Variants in ZC3H12A observed in about 807,000 individuals in gnomAD.
ZC3H12A encodes endoribonuclease ZC3H12A.
In ZC3H12A, 9 loss-of-function variants were observed where a neutral mutation model predicts 29.9. The ratio of observed to expected loss-of-function variants is 0.30; its 90% CI spans 0.18 to 0.53. The LOEUF is 0.53. Ranked by LOEUF, ZC3H12A falls within the 20% of genes least tolerant of loss-of-function variation. The probability of loss-of-function intolerance (pLI) is 0.96; values close to 1 mark genes in which losing one functional copy is unlikely to be tolerated. For synonymous variants in ZC3H12A, 323 were observed against 338.1 expected (o/e 0.96, Z 0.49); for missense variants, 617 against 799.0 (o/e 0.77, Z 2.75).
chr1:37,478,687 C>A lies in ZC3H12A; in HGVS notation c.444-1603C>A. ...TCTTCCACCGTTAACTGCTGTGTGA[C>A]CCTGGTGACTAAGCTGCCTTCTCTG... On this transcript the variant is annotated intron_variant, in intron 2 of 5. Transcript: ENST00000373087. The surrounding 1 kb of genome is among the most constrained non-coding windows in gnomAD (Gnocchi z 5.2). 4.3e-6 allele frequency: 1 copy of A among 234,406 alleles called. No homozygotes were observed. Among genetic ancestry groups the A allele is most frequent in the Non-Finnish European group, 7.0e-6 (1 of 143,222 alleles). 14.5% of individuals were successfully genotyped at this position (234,406 alleles called of 1,614,324 possible). A position where few individuals can be genotyped will look rare whatever the true frequency, so the allele number is the denominator to read the frequency against.
rs1569917243 is a variant in ZC3H12A at position 37,476,048 on chromosome 1, C to T, written c.443+109C>T. The T allele has an allele frequency of 8.3e-7, 1 of 1,208,236 alleles. No individual in the cohort carries two copies. Among genetic ancestry groups the T allele is most frequent in the East Asian group, 2.6e-5 (1 of 38,460 alleles). 74.8% of individuals were successfully genotyped at this position (1,208,236 alleles called of 1,614,324 possible). ...AGCTCTGGTGGGCTGGAAGAAGTGA[C>T]TTCCTTCTTAGGGACTGGTCTAGAG... On this transcript the variant is annotated intron_variant, in intron 2 of 5. Coordinates refer to ENST00000373087, the MANE Select transcript of ZC3H12A (RefSeq NM_025079.3). The surrounding 1 kb of genome is among the most constrained non-coding windows in gnomAD (Gnocchi z 6.0).
chr1:37,482,355 C>G (rs758282408), intron 4 of ZC3H12A, 79 bp from the exon 5 acceptor site: 1 of 1,263,470 alleles, frequency 7.9e-7, no homozygotes, highest in Non-Finnish European at 1.1e-6. Flanking sequence ...CCCAGCAAGG[C>G]TTGCCATCGG....
At chr1:37,482,332 C>A in intron 4 of ZC3H12A, 102 bp from the exon 5 acceptor site, 1 of 1,023,630 alleles carries the variant, frequency 9.8e-7, no homozygotes, top group Non-Finnish European at 1.5e-6. Context: ...TTAGGTGTCA[C>A]TCTCCTATTC....
chr1:37,478,886 A>T lies in ZC3H12A; in HGVS notation c.444-1404A>T. ...TGGCAGATGTGGCAGAGGGACCGGGAAGGATGAGTGCTGCCCTGGGCTGGA... is the reference window on the plus strand; with the variant it reads ...TGGCAGATGTGGCAGAGGGACCGGGTAGGATGAGTGCTGCCCTGGGCTGGA... On this transcript the variant is annotated intron_variant, in intron 2 of 5. Transcript: ENST00000373087. This position sits in a 1 kb window ranked among gnomAD's most constrained non-coding sequence, Gnocchi z 5.2. The T allele has an allele frequency of 1.0e-6, 1 of 985,334 alleles. No individual in the cohort carries two copies. Among genetic ancestry groups the T allele is most frequent in the South Asian group, 4.7e-5 (1 of 21,282 alleles). 61.0% of individuals were successfully genotyped at this position (985,334 alleles called of 1,614,324 possible).
In ZC3H12A at chr1:37,483,223, A is replaced by G; in HGVS notation, c.1412A>G (p.Tyr471Cys). The part of the protein sequence containing the change: ...PGPPRAPYTG[Y>C]SPYGSELPAT... ...CCACCCCGAGCCCCTTACACGGGCTACAGTCCCTATGGATCTGAGCTCCCA... is the reference window on the plus strand; with the variant it reads ...CCACCCCGAGCCCCTTACACGGGCTGCAGTCCCTATGGATCTGAGCTCCCA... Residue 471 changes from tyrosine (Y) to cysteine (C), a missense_variant, in exon 6 of 6, where the codon TAC becomes TGC. Around this residue, in one of 5 missense-constraint regions of ZC3H12A, gnomAD observed 172 missense variants for 203.1 expected, o/e 0.85. Coordinates refer to ENST00000373087, the MANE Select transcript of ZC3H12A (RefSeq NM_025079.3). The G allele has an allele frequency of 6.2e-7, 1 of 1,613,700 alleles. No homozygotes were observed. Among genetic ancestry groups the G allele is most frequent in the African/African-American group, 1.3e-5 (1 of 75,020 alleles).
At position 37,478,411 on chromosome 1, in the gene ZC3H12A, C is replaced by T. The variant is rs1156990768; in HGVS notation, c.444-1879C>T. ...TAAATTCTGGATCTTCTGTTAGAGA[C>T]AGGAAGGCAACCGAGTGGCCCAGAC... On this transcript the variant is annotated intron_variant, in intron 2 of 5. Transcript: ENST00000373087. The surrounding 1 kb of genome is among the most constrained non-coding windows in gnomAD (Gnocchi z 5.2). 6.6e-6 allele frequency among the ~76,000 whole-genome samples: 1 copy of T among 152,200 alleles called. No individual in the cohort carries two copies. The highest frequency in any genetic ancestry group is 2.4e-5 in the African/African-American group (1 of 41,432).
At position 37,483,552 on chromosome 1, in the gene ZC3H12A, G is replaced by T. The variant is rs746387660; in HGVS notation, c.1741G>T (p.Asp581Tyr). The T allele has an allele frequency of 6.2e-7, 1 of 1,613,354 alleles. No individual in the cohort carries two copies. The highest frequency in any genetic ancestry group is 1.7e-5 in the Admixed American group (1 of 60,004). ...AVMGRFPQLL[D>Y]PQQLAAEILS... Reference sequence around the variant, plus strand: ...GATGGGGCGCTTCCCACAGCTCCTGGACCCCCAGCAGCTGGCTGCCGAGAT... The same window carrying T: ...GATGGGGCGCTTCCCACAGCTCCTGTACCCCCAGCAGCTGGCTGCCGAGAT... Residue 581 changes from aspartate (D) to tyrosine (Y), a missense_variant, in exon 6 of 6, where the codon GAC (aspartate) becomes TAC (tyrosine). Physicochemically the swap from Asp to Tyr is radical, Grantham distance 160. Around this residue, in one of 5 missense-constraint regions of ZC3H12A, gnomAD observed 172 missense variants for 203.1 expected, o/e 0.85. Coordinates refer to ENST00000373087, the MANE Select transcript of ZC3H12A (RefSeq NM_025079.3).
chr1:37,483,072 C>G lies in ZC3H12A; in HGVS notation c.1261C>G (p.Leu421Val). 6.2e-7 allele frequency: 1 copy of G among 1,609,844 alleles called. No homozygotes were observed. Among genetic ancestry groups the G allele is most frequent in the Non-Finnish European group, 8.5e-7 (1 of 1,178,490 alleles). ...SGSSFGPTDW[L>V]PQTLDSLPYV... is the part of the protein sequence containing the mutation. ...CAGCAGCTTTGGGCCCACAGACTGG[C>G]TCCCACAGACGCTGGACTCACTCCC... The change falls in exon 6 of 6, where the codon CTC (leucine) becomes GTC (valine). Residue 421 changes from leucine (L) to valine (V), a missense_variant. Leu to Val is a conservative substitution (Grantham distance 32, BLOSUM62 1). Transcript: ENST00000373087.
intron 3 of ZC3H12A, among the ~76,000 whole-genome samples, chr1:37,481,045 G>A (rs2148045559): frequency 6.6e-6 from 1 of 152,292 alleles, no homozygotes; most frequent in East Asian, 1.9e-4. Flanking sequence ...GAGATCTGGG[G>A]GCAGCCTGTC....
intron 3 of ZC3H12A, 58 bp from the exon 4 acceptor site, chr1:37,481,543 G>C (rs1004746985): frequency 5.8e-5 from 92 of 1,577,640 alleles, no homozygotes; most frequent in Non-Finnish European, 7.8e-5. Flanking sequence ...AGGGAGCCCT[G>C]TAGGCCTGGC....
chr1:37,479,516 C>A lies in ZC3H12A; in HGVS notation c.444-774C>A, dbSNP rs368988712. On this transcript the variant is annotated intron_variant, in intron 2 of 5. Transcript: ENST00000373087. The surrounding 1 kb of genome is among the most constrained non-coding windows in gnomAD (Gnocchi z 4.5). ...GCTGTCCTTGCTAAGAGTCCCCTAG[C>A]ATCTTCCTGATGGTCTTTCTGCCTT... 1.3e-5 allele frequency: 13 copies of A among 985,338 alleles called. No homozygotes were observed. The African/African-American group carries it at 2.3e-4, about 17-fold the overall frequency. The allele number at this position is 985,338 out of a possible 1,614,324, so 61.0% of individuals were successfully genotyped here. A position where few individuals can be genotyped will look rare whatever the true frequency, so the allele number is the denominator to read the frequency against.
chr1:37,482,354 G>A (rs970836609), intron 4 of ZC3H12A, 80 bp from the exon 5 acceptor site: 1 of 1,252,860 alleles, frequency 8.0e-7, no homozygotes, highest in Non-Finnish European at 1.1e-6. Context: ...TCCCAGCAAG[G>A]CTTGCCATCG....
Position 37,483,220 on chromosome 1 carries a change from G to A in ZC3H12A, c.1409G>A (p.Gly470Asp). 6.2e-7 allele frequency: 1 copy of A among 1,613,732 alleles called. No homozygotes were observed. Among genetic ancestry groups the A allele is most frequent in the Non-Finnish European group, 8.5e-7 (1 of 1,179,928 alleles). ...GGCCCACCCCGAGCCCCTTACACGGGCTACAGTCCCTATGGATCTGAGCTC... is the reference window on the plus strand; with the variant it reads ...GGCCCACCCCGAGCCCCTTACACGGACTACAGTCCCTATGGATCTGAGCTC... ...EPGPPRAPYTGYSPYGSELPA... is the reference protein window; with the variant it reads ...EPGPPRAPYTDYSPYGSELPA... The change falls in exon 6 of 6, where the codon GGC becomes GAC. Residue 470 changes from glycine (G) to aspartate (D), a missense_variant. Gly to Asp is a moderately conservative substitution (Grantham distance 94, BLOSUM62 -1). This residue lies in a region of ZC3H12A where 172 missense variants were observed against 203.1 expected (regional missense o/e 0.85). Transcript: ENST00000373087.
chr1:37,475,524 G>C lies in ZC3H12A; in HGVS notation c.28G>C (p.Val10Leu), dbSNP rs1356554362. 4.3e-6 allele frequency: 7 copies of C among 1,611,750 alleles called. No individual in the cohort carries two copies. The highest frequency in any genetic ancestry group is 1.3e-5 in the African/African-American group (1 of 74,862). The change falls in exon 2 of 6, where the codon GTC becomes CTC. Residue 10 changes from valine (V) to leucine (L), a missense_variant. By Grantham distance (32) the Val-to-Leu change is conservative. Transcript: ENST00000373087. The surrounding 1 kb of genome is among the most constrained non-coding windows in gnomAD (Gnocchi z 5.2). MSGPCGEKP[V>L]LEASPTMSLW... ...GAGTGGCCCCTGTGGAGAGAAGCCT[G>C]TCCTGGAAGCCAGCCCCACCATGAG...
intron 3 of ZC3H12A, 89 bp from the exon 4 acceptor site, chr1:37,481,512 G>C (rs1444619343): frequency 1.2e-5 from 16 of 1,311,296 alleles, no homozygotes; most frequent in African/African-American, 5.9e-5. Flanking sequence ...AACCACTCCT[G>C]TGTGTGGCCA....
rs1186886187 is a variant in ZC3H12A, at chr1:37,475,871, C to T, written c.375C>T (p.Leu125=). The T allele has an allele frequency of 6.4e-6, 10 of 1,558,938 alleles. No homozygotes were observed. Among genetic ancestry groups the T allele is most frequent in the African/African-American group, 1.4e-5 (1 of 73,046 alleles). The change falls in exon 2 of 6, where the codon CTC becomes CTT. Residue 125 remains leucine, a synonymous_variant. Coordinates refer to ENST00000373087, the MANE Select transcript of ZC3H12A (RefSeq NM_025079.3). This position sits in a 1 kb window ranked among gnomAD's most constrained non-coding sequence, Gnocchi z 5.2. ...AGGCTCCCAACCTGGAGCCTCCACTCCCAGAAGAGGAAAAGGAGGGCAGCG... is the reference window on the plus strand; with the variant it reads ...AGGCTCCCAACCTGGAGCCTCCACTTCCAGAAGAGGAAAAGGAGGGCAGCG... ...TPKAPNLEPP[L]PEEEKEGSDL...
chr1:37,476,067 T>A lies in ZC3H12A; in HGVS notation c.443+128T>A, dbSNP rs1641583517. The stretch of plus-strand genomic sequence containing the variant: ...AAGTGACTTCCTTCTTAGGGACTGG[T>A]CTAGAGGGAGGGAAAGCCTTTTATG... On this transcript the variant is annotated intron_variant, in intron 2 of 5. Transcript: ENST00000373087. The surrounding 1 kb of genome is among the most constrained non-coding windows in gnomAD (Gnocchi z 6.0). The A allele has an allele frequency of 7.7e-6, 8 of 1,040,082 alleles. No individual in the cohort carries two copies. The highest frequency in any genetic ancestry group is 1.1e-5 in the Non-Finnish European group (8 of 751,886). The allele number at this position is 1,040,082 out of a possible 1,614,324, so 64.4% of individuals were successfully genotyped here.
chr1:37,477,147 T>A (rs1569918986), intron 2 of ZC3H12A, among the ~76,000 whole-genome samples: 1 of 152,158 alleles, frequency 6.6e-6, no homozygotes, highest in Non-Finnish European at 1.5e-5. Context: ...AGGCAGCAGG[T>A]CACAGCCCAT....
At position 37,482,720 on chromosome 1, in the gene ZC3H12A, CTT is replaced by C. The variant is rs751854726; in HGVS notation, c.926-16_926-15del. 8 of 1,613,364 alleles carry C rather than the reference CTT, an allele frequency of 5.0e-6. No individual in the cohort carries two copies. Among genetic ancestry groups the C allele is most frequent in the Admixed American group, 1.7e-5 (1 of 60,000 alleles). On this transcript the variant is annotated splice_polypyrimidine_tract_variant and intron_variant, in intron 5 of 5. Coordinates refer to ENST00000373087, the MANE Select transcript of ZC3H12A (RefSeq NM_025079.3). Reference sequence around the variant, plus strand: ...TGAAGTGCCCCTGCTTAGAGTCCCTCTTGATTCCTCTTCCAGGAAGGAAATGC... The same window carrying C: ...TGAAGTGCCCCTGCTTAGAGTCCCTCGATTCCTCTTCCAGGAAGGAAATGC...
Sources: allele counts gnomAD v4.1 joint callset (sites outside exome capture counted in the v4.1 genomes callset), GRCh38; gene constraint gnomAD v4.1.1; regional missense constraint gnomAD v4.1.1; non-coding constraint Gnocchi (gnomAD v3.1); transcripts MANE v1.5; gene names NCBI Gene and HGNC (gene_info 2026-07-23, HGNC 2026-07-21).